Variants in PDGFRB observed in about 807,000 individuals in gnomAD.
PDGFRB encodes the protein platelet derived growth factor receptor beta.
PDGFRB carries 42 observed loss-of-function variants against 120.2 expected under a neutral mutation model. The observed-to-expected ratio is 0.35, with a 90% CI of 0.27 to 0.45. The LOEUF is 0.45. Among genes scored for constraint, PDGFRB ranks in the 20% least tolerant of loss-of-function variants. PDGFRB has a pLI of 1.00. For missense variants in PDGFRB, 1,149 were observed against 1,476.3 expected, an observed-to-expected ratio of 0.78 and a Z score of 3.63; for synonymous variants, 586 against 606.8, an observed-to-expected ratio of 0.97 and a Z score of 0.50.
rs1760552848 is a variant in PDGFRB, at chr5:150,133,984, T to C, written c.656A>G (p.Asn219Ser). Residue 219 changes from asparagine to serine, a missense_variant, in exon 5 of 23, where the codon AAC becomes AGC. Around this residue, in one of 3 missense-constraint regions of PDGFRB, gnomAD observed 879 missense variants for 1,108.6 expected, o/e 0.79. Transcript: ENST00000261799. The part of the protein sequence containing the change: ...LQVSSINVSV[N>S]AVQTVVRQGE... ...CTGGCGGACCACAGTCTGCACTGCG[T>C]TCACAGAGACGTTGATGGATGACAC... 1 of 1,613,952 alleles carries C rather than the reference T, an allele frequency of 6.2e-7. No individual in the cohort carries two copies. The highest frequency in any genetic ancestry group is 8.5e-7 in the Non-Finnish European group (1 of 1,179,974).
intron 13 of PDGFRB, 59 bp downstream of exon 13, chr5:150,124,668 G>C: frequency 2.5e-6 from 2 of 813,658 alleles, no homozygotes; most frequent in South Asian, 3.2e-5. Flanking sequence ...GGCTAAGTGT[G>C]TGGGGAGGGG....
chr5:150,125,419 G>T, intron 12 of PDGFRB, 26 bp downstream of exon 12: 1 of 1,594,884 alleles, frequency 6.3e-7, no homozygotes, highest in Non-Finnish European at 8.6e-7. Flanking sequence ...TCCCCACACT[G>T]CCACATGAGG....
At position 150,135,808 on chromosome 5, in the gene PDGFRB, G is replaced by A. The variant is rs767838015; in HGVS notation, c.111C>T (p.Pro37=). ...CATTGAGGACAAGCTCTGGCCCCGG[G>A]GGTGTGACGACCAGGCCCTGAGAGA... ...PQISQGLVVT[P]PGPELVLNVS... is the part of the protein sequence containing the mutation. Residue 37 remains proline, a synonymous_variant, in exon 3 of 23, where the codon CCC becomes CCT. Coordinates refer to ENST00000261799, the MANE Select transcript of PDGFRB (RefSeq NM_002609.4). The A allele has an allele frequency of 1.3e-6, 2 of 1,588,554 alleles. No homozygotes were observed. The highest frequency in any genetic ancestry group is 1.7e-6 in the Non-Finnish European group (2 of 1,167,476).
intron 1 of PDGFRB, among the ~76,000 whole-genome samples, chr5:150,139,282 C>T (rs975432561): frequency 1.3e-5 from 2 of 152,148 alleles, no homozygotes; most frequent in Admixed American, 6.5e-5. Flanking sequence ...CCAGGGATCT[C>T]GGACTGGCTT....
At position 150,124,599 on chromosome 5, in the gene PDGFRB, T is replaced by C. The variant is rs1177734082; in HGVS notation, c.1912+128A>G. 10 of 624,332 alleles carry C rather than the reference T, an allele frequency of 1.6e-5. No individual in the cohort carries two copies. The Admixed American group carries it at 2.9e-4, about 18-fold the overall frequency. The allele number at this position is 624,332 out of a possible 1,614,324, so 38.7% of individuals were successfully genotyped here. On this transcript the variant is annotated intron_variant, in intron 13 of 22. Coordinates refer to ENST00000261799, the MANE Select transcript of PDGFRB (RefSeq NM_002609.4). ...CAGACCCAGACTCGGGAGCAGTGCC[T>C]GCTGCAGTGTGATGGCCCCTCTAGT...
At chr5:150,148,053 A>C (rs919162757) in intron 1 of PDGFRB, among the ~76,000 whole-genome samples, 4 of 152,242 alleles carry the variant, frequency 2.6e-5, no homozygotes, top group Admixed American at 6.5e-5. Flanking sequence ...AGGAAGAGGT[A>C]GCTGCTGATT....
Position 150,133,937 on chromosome 5 carries a change from A to T in PDGFRB, c.703T>A (p.Cys235Ser). 1 of 1,613,768 alleles carries T rather than the reference A, an allele frequency of 6.2e-7. No homozygotes were observed. ...ACCACCTCATTCCCGATCACAATGCACATGAGGGTGATGTTCTCACCCTGG... is the reference window on the plus strand; with the variant it reads ...ACCACCTCATTCCCGATCACAATGCTCATGAGGGTGATGTTCTCACCCTGG... ...VRQGENITLM[C>S]IVIGNEVVNF... The change falls in exon 5 of 23, where the codon TGC (cysteine) becomes AGC (serine). Residue 235 changes from cysteine (C) to serine (S), a missense_variant. Transcript: ENST00000261799.
intron 3 of PDGFRB, among the ~76,000 whole-genome samples, 163 bp downstream of exon 3, chr5:150,135,392 G>C (rs924313836): frequency 8.5e-5 from 13 of 152,132 alleles, no homozygotes; most frequent in Non-Finnish European, 1.8e-4. Flanking sequence ...ACCAAGGAGT[G>C]GGTGCGAACA....
rs1236178562 is a variant in PDGFRB, at chr5:150,132,536, G to A, written c.1127+214C>T. Among the ~76,000 whole-genome samples the A allele has an allele frequency of 3.3e-5, 5 of 152,194 alleles. No individual in the cohort carries two copies. The highest frequency in any genetic ancestry group is 1.2e-4 in the African/African-American group (5 of 41,462). The stretch of plus-strand genomic sequence containing the variant: ...CCATCACAAGGACAACTAAACATCT[G>A]GGTGATCATCTGACCGGCGACTGTT... On this transcript the variant is annotated intron_variant, in intron 7 of 22. Coordinates refer to ENST00000261799, the MANE Select transcript of PDGFRB (RefSeq NM_002609.4). The surrounding 1 kb of genome is among the most constrained non-coding windows in gnomAD (Gnocchi z 5.0).
intron 19 of PDGFRB, 134 bp downstream of exon 19, chr5:150,119,878 G>C (rs995488799): frequency 1.0e-5 from 7 of 670,392 alleles, no homozygotes; most frequent in Admixed American, 2.3e-5. Context: ...GCAGGGAGAA[G>C]GTAGCAGAGC....
intron 1 of PDGFRB, among the ~76,000 whole-genome samples, chr5:150,141,128 G>C (rs1375843014): frequency 6.6e-6 from 1 of 152,218 alleles, no homozygotes; most frequent in Non-Finnish European, 1.5e-5. Context: ...AAGAGGCCAT[G>C]TGGGTGCCAA....
At chr5:150,150,019 T>C (rs1287902918) in intron 1 of PDGFRB, among the ~76,000 whole-genome samples, 1 of 152,188 alleles carries the variant, frequency 6.6e-6, no homozygotes, top group Non-Finnish European at 1.5e-5. Context: ...AAGAGGAAAC[T>C]ATGATTAGAA....
intron 1 of PDGFRB, among the ~76,000 whole-genome samples, chr5:150,149,192 G>A (rs559976182): frequency 1.3e-3 from 194 of 152,310 alleles, no homozygotes; most frequent in African/African-American, 4.2e-3. Flanking sequence ...CCAGCAGGCT[G>A]GCATTTAGTG....
rs1193249393 is a variant in PDGFRB at position 150,115,577 on chromosome 5, C to A, written c.*186G>T. Reference sequence around the variant, plus strand: ...GGCAGAGGGCTGGTCACGGCCCCTGCAGTTTTCTTGCCTCCTAAGCCAGCC... The same window carrying A: ...GGCAGAGGGCTGGTCACGGCCCCTGAAGTTTTCTTGCCTCCTAAGCCAGCC... On this transcript the variant is annotated 3_prime_UTR_variant, in exon 23 of 23. Transcript: ENST00000261799. 3 of 490,302 alleles carry A rather than the reference C, an allele frequency of 6.1e-6. No homozygotes were observed. The highest frequency in any genetic ancestry group is 4.7e-5 in the South Asian group (1 of 21,188). The allele number at this position is 490,302 out of a possible 1,614,324, so 30.4% of individuals were successfully genotyped here.
chr5:150,148,453 T>A (rs1367270904), intron 1 of PDGFRB, among the ~76,000 whole-genome samples: 1 of 152,222 alleles, frequency 6.6e-6, no homozygotes, highest in Non-Finnish European at 1.5e-5. Flanking sequence ...CAATGGTGAC[T>A]CTTTCCTTCC....
chr5:150,138,820 T>C (rs2113917242), intron 1 of PDGFRB, among the ~76,000 whole-genome samples: 1 of 152,332 alleles, frequency 6.6e-6, no homozygotes, highest in African/African-American at 2.4e-5. Context: ...CTGCTAGAGA[T>C]CTCAGCCAAA....
chr5:150,117,542 GCGCACACACACA>G lies in PDGFRB; in HGVS notation c.3137+64_3137+75del, dbSNP rs1253423019. The stretch of plus-strand genomic sequence containing the variant: ...CAAACCTGGCAGCGCGCGCGCGCGC[GCGCACACACACA>G]CACACACACACACACACACACACAC... On this transcript the variant is annotated intron_variant, in intron 22 of 22. Transcript: ENST00000261799. 365 of 463,346 alleles carry G rather than the reference GCGCACACACACA, an allele frequency of 7.9e-4. 2 individuals are homozygous for G. In the African/African-American group the frequency reaches 0.012, roughly 15 times the overall value. The allele number at this position is 463,346 out of a possible 1,614,324, so 28.7% of individuals were successfully genotyped here.
chr5:150,123,309 G>T, intron 14 of PDGFRB, 108 bp from the exon 15 acceptor site: 3 of 804,444 alleles, frequency 3.7e-6, no homozygotes, highest in East Asian at 2.5e-5. Flanking sequence ...TTGGCATGAC[G>T]GCTAGGAGGC....
In PDGFRB at chr5:150,121,165, C is replaced by T. The variant is rs1051147953; in HGVS notation, c.2463+39G>A. 9.1e-6 allele frequency: 12 copies of T among 1,312,244 alleles called. No homozygotes were observed. The highest frequency in any genetic ancestry group is 5.8e-5 in the African/African-American group (4 of 68,968). The allele number at this position is 1,312,244 out of a possible 1,614,324, so 81.3% of individuals were successfully genotyped here. On this transcript the variant is annotated intron_variant, in intron 17 of 22. Transcript: ENST00000261799. The surrounding 1 kb of genome is among the most constrained non-coding windows in gnomAD (Gnocchi z 4.1). ...GCTGGCTGGCTGGGTGACCCACCTC[C>T]CCACAGCCCCCACTCTGCCCCACCA...
Sources: allele counts gnomAD v4.1 joint callset (sites outside exome capture counted in the v4.1 genomes callset), GRCh38; gene constraint gnomAD v4.1.1; regional missense constraint gnomAD v4.1.1; non-coding constraint Gnocchi (gnomAD v3.1); transcripts MANE v1.5; gene names NCBI Gene and HGNC (gene_info 2026-07-23, HGNC 2026-07-21).